Variants in GOLGB1 observed in about 807,000 individuals in gnomAD.
GOLGB1 encodes the protein golgin subfamily B member 1.
GOLGB1 carries 174 observed loss-of-function variants against 336.9 expected under a neutral mutation model. The observed-to-expected ratio is 0.52, with a 90% CI of 0.46 to 0.59. The LOEUF (loss-of-function observed/expected upper bound fraction) is 0.59. Among genes scored for constraint, GOLGB1 ranks in the 20% least tolerant of loss-of-function variants. The pLI is 0.00. For synonymous variants in GOLGB1, 1,208 were observed against 1,289.2 expected, an observed-to-expected ratio of 0.94 and a Z score of 1.35; for missense variants, 3,331 against 3,645.3, an observed-to-expected ratio of 0.91 and a Z score of 2.22.
chr3:121,696,201 A>G lies in GOLGB1; in HGVS notation c.4322T>C (p.Ile1441Thr). ...QTEIIEQEDL[I>T]KALHTQLEMQ... ...TTCTAGCTGTGTATGCAGAGCCTTA[A>G]TTAAATCTTCTTGTTCTATTATCTC... is the stretch of plus-strand genomic sequence containing the variant. The change falls in exon 13 of 22, where the codon ATT (isoleucine) becomes ACT (threonine). Residue 1441 changes from isoleucine (I) to threonine (T), a missense_variant. Transcript: ENST00000614479. The G allele has an allele frequency of 6.2e-7, 1 of 1,614,054 alleles. No individual in the cohort carries two copies. The highest frequency in any genetic ancestry group is 8.5e-7 in the Non-Finnish European group (1 of 1,179,988).
intron 1 of GOLGB1, among the ~76,000 whole-genome samples, chr3:121,733,124 C>A (rs888247611): frequency 3.3e-5 from 5 of 151,996 alleles, no homozygotes; most frequent in Admixed American, 2.0e-4. Context: ...GAGATCGACA[C>A]CATCTTGGCT....
intron 6 of GOLGB1, 80 bp from the exon 7 acceptor site, chr3:121,719,848 A>G: frequency 7.9e-7 from 1 of 1,259,790 alleles, no homozygotes; most frequent in Non-Finnish European, 1.1e-6. Flanking sequence ...CTACTTTCCA[A>G]GACAGACACT....
chr3:121,732,579 G>A (rs1574654), intron 1 of GOLGB1, among the ~76,000 whole-genome samples: 19,293 of 152,144 alleles, frequency 0.13, 1,443 homozygotes, highest in African/African-American at 0.19. Flanking sequence ...GAAAATCAAT[G>A]TAATTCACCA....
intron 14 of GOLGB1, among the ~76,000 whole-genome samples, chr3:121,683,053 A>ATTTTTTTTTTTTTTTT (rs746649684): frequency 0.015 from 1,269 of 82,462 alleles, 165 homozygotes; most frequent in Non-Finnish European, 0.024. Context: ...ATTTCTTTTA[A>ATTTTTTTTTTTTTTTT]TTTTTTTTTT....
chr3:121,737,844 T>C (rs1007662449), intron 1 of GOLGB1, among the ~76,000 whole-genome samples: 2 of 152,080 alleles, frequency 1.3e-5, no homozygotes, highest in African/African-American at 4.8e-5. Context: ...GTAATCTAAG[T>C]AGCACATCAC....
intron 12 of GOLGB1, among the ~76,000 whole-genome samples, chr3:121,699,409 T>C (rs920610384): frequency 6.6e-6 from 1 of 152,170 alleles, no homozygotes; most frequent in African/African-American, 2.4e-5. Context: ...ATACCCTTCT[T>C]ATAGTAATTT....
intron 2 of GOLGB1, chr3:121,730,276 C>A (rs1945988543): frequency 6.2e-6 from 2 of 321,206 alleles, no homozygotes; most frequent in Non-Finnish European, 1.1e-5. Flanking sequence ...TAAAGGAAAG[C>A]AAAAATCATA....
chr3:121,694,856 T>G lies in GOLGB1; in HGVS notation c.5667A>C (p.Leu1889=). The G allele has an allele frequency of 6.2e-7, 1 of 1,613,914 alleles. No homozygotes were observed. Among genetic ancestry groups the G allele is most frequent in the Non-Finnish European group, 8.5e-7 (1 of 1,179,936 alleles). The change falls in exon 13 of 22, where the codon CTA becomes CTC. Residue 1889 remains leucine, a synonymous_variant. Coordinates refer to ENST00000614479, the MANE Select transcript of GOLGB1 (RefSeq NM_001366282.2). ...TGGTTACTTCCTCCTGAAGCATTTT[T>G]AGTTCACCATCCTTTGTTGATATCT... ...LSQISTKDGE[L]KMLQEEVTKM...
chr3:121,731,693 T>C (rs138535344), intron 1 of GOLGB1, among the ~76,000 whole-genome samples: 29 of 152,304 alleles, frequency 1.9e-4, no homozygotes, highest in African/African-American at 7.0e-4. Flanking sequence ...ATAAACTTTG[T>C]TCAAAATGTA....
rs951972412 is a variant in GOLGB1, at chr3:121,726,961, G to A, written c.483C>T (p.Ser161=). 29 of 1,604,790 alleles carry A rather than the reference G, an allele frequency of 1.8e-5. No individual in the cohort carries two copies. Among genetic ancestry groups the A allele is most frequent in the Non-Finnish European group, 2.4e-5 (28 of 1,174,176 alleles). The change falls in exon 5 of 22, where the codon AGC becomes AGT. Residue 161 remains serine, a synonymous_variant. Transcript: ENST00000614479. ...CCTGAGTAAGCTGGGCTTGCAAAGT[G>A]CTGATTAGTTCCTCCTTCTCCTGGA... ...HKLQEKEELI[S]TLQAQLTQAQ...
chr3:121,715,401 G>C (rs1165708987), intron 9 of GOLGB1, among the ~76,000 whole-genome samples: 8 of 136,668 alleles, frequency 5.9e-5, no homozygotes, highest in Non-Finnish European at 1.1e-4. Flanking sequence ...ATCTTTAGTA[G>C]AGATGGAGTT....
At chr3:121,670,644 C>G (rs1313023200) in intron 17 of GOLGB1, among the ~76,000 whole-genome samples, 1 of 151,198 alleles carries the variant, frequency 6.6e-6, no homozygotes, top group Non-Finnish European at 1.5e-5. Flanking sequence ...GATGTCAAAC[C>G]AGGACTCAAG....
chr3:121,692,719 G>A, intron 13 of GOLGB1, 138 bp from the exon 14 acceptor site: 1 of 573,008 alleles, frequency 1.7e-6, no homozygotes. Context: ...TTTTACTGAA[G>A]AGGTATTAAT....
chr3:121,680,482 T>G (rs1272176560), intron 15 of GOLGB1, among the ~76,000 whole-genome samples: 2 of 152,090 alleles, frequency 1.3e-5, no homozygotes, highest in African/African-American at 4.8e-5. Context: ...TATAGAAAGC[T>G]TCAGCAAAGA....
chr3:121,730,698 G>A, intron 2 of GOLGB1, 178 bp downstream of exon 2: 1 of 545,164 alleles, frequency 1.8e-6, no homozygotes, highest in Non-Finnish European at 3.1e-6. Flanking sequence ...CCATCACTGT[G>A]GCTTTTAAGC....
intron 10 of GOLGB1, among the ~76,000 whole-genome samples, chr3:121,710,126 A>T (rs2108029660): frequency 6.6e-6 from 1 of 151,490 alleles, no homozygotes; most frequent in East Asian, 1.9e-4. Flanking sequence ...AAATCTTATT[A>T]TTAGCCTTAT....
At chr3:121,734,304 C>T (rs1195170737) in intron 1 of GOLGB1, among the ~76,000 whole-genome samples, 3 of 145,770 alleles carry the variant, frequency 2.1e-5, no homozygotes, top group African/African-American at 7.6e-5. Flanking sequence ...GCACAAGAAT[C>T]GGTTGAACCT....
intron 14 of GOLGB1, among the ~76,000 whole-genome samples, chr3:121,689,460 G>T (rs1235447431): frequency 8.2e-6 from 1 of 121,686 alleles, no homozygotes. Context: ...CAGCATGCTC[G>T]TTAAGAGTCA....
Position 121,696,268 on chromosome 3 carries a change from G to A in GOLGB1, c.4255C>T (p.Gln1419Ter), listed in dbSNP as rs1440895557. ...AGAGCTGCTTCTTTCTCACTAAGTT[G>A]TCCAGAAAGGTAGCTAACGTCTTCT... Reference protein sequence around the residue: ...KEEDVSYLSGQLSEKEAALTK... With the variant: ...KEEDVSYLSG The change falls in exon 13 of 22, where the codon CAA (glutamine) becomes TAA (stop). Residue 1419 changes from glutamine to a stop codon, truncating the protein, a stop_gained. Coordinates refer to ENST00000614479, the MANE Select transcript of GOLGB1 (RefSeq NM_001366282.2). LOFTEE classifies it high-confidence loss of function. 6.2e-7 allele frequency: 1 copy of A among 1,613,960 alleles called. No homozygotes were observed. The highest frequency in any genetic ancestry group is 1.1e-5 in the South Asian group (1 of 91,074).
Sources: gnomAD v4.1 joint callset for allele counts (sites outside exome capture counted in the v4.1 genomes callset) on GRCh38, gnomAD v4.1.1 for gene constraint, MANE v1.5 for transcripts, NCBI Gene and HGNC (gene_info 2026-07-23, HGNC 2026-07-21) for gene names.